Variants in CATIP observed in about 807,000 individuals in gnomAD.
CATIP encodes ciliogenesis-associated TTC17-interacting protein.
Under a neutral mutation model 42.5 loss-of-function variants are expected in CATIP, and 40 were observed. The observed-to-expected ratio is 0.94, with a 90% confidence interval of 0.73 to 1.22. The LOEUF (loss-of-function observed/expected upper bound fraction) is 1.22, where lower values mean the gene tolerates loss of function less well. Among genes scored for constraint, CATIP ranks in the 50% most tolerant of loss-of-function variants. The pLI is 0.00. For synonymous variants in CATIP, 222 were observed against 200.2 expected, an observed-to-expected ratio of 1.11 and a Z score of -0.92; for missense variants, 489 against 496.0, an observed-to-expected ratio of 0.99 and a Z score of 0.13.
intron 4 of CATIP, among the ~76,000 whole-genome samples, chr2:218,359,731 T>C (rs1695167535): frequency 2.0e-5 from 3 of 152,206 alleles, no homozygotes; most frequent in Admixed American, 2.0e-4. Context: ...TTGAACTTTA[T>C]ATTGCATCAT....
At chr2:218,357,021 G>A in intron 1 of CATIP, 74 bp from the exon 2 acceptor site, 2 of 1,567,888 alleles carry the variant, frequency 1.3e-6, no homozygotes, top group Non-Finnish European at 8.7e-7. Flanking sequence ...CAGGACTGAG[G>A]TACCCTGCCT....
chr2:218,367,644 T>C (rs1204734174), intron 9 of CATIP, 78 bp from the exon 10 acceptor site: 4 of 1,587,226 alleles, frequency 2.5e-6, no homozygotes, highest in Non-Finnish European at 3.4e-6. Context: ...CCCTTAGCTC[T>C]CCTTGGAGCG....
chr2:218,367,021 C>T lies in CATIP; in HGVS notation c.756-3C>T, dbSNP rs1164377328. On this transcript the variant is annotated splice_polypyrimidine_tract_variant and splice_region_variant and intron_variant, in intron 7 of 9. Transcript: ENST00000289388. Reference sequence around the variant, plus strand: ...CACTCTCACATGTTGTGTTGCACTCCAGGCACCTGGCCAAGAGAATACAGG... The same window carrying T: ...CACTCTCACATGTTGTGTTGCACTCTAGGCACCTGGCCAAGAGAATACAGG... 6.2e-7 allele frequency: 1 copy of T among 1,612,482 alleles called. No homozygotes were observed. The highest frequency in any genetic ancestry group is 8.5e-7 in the Non-Finnish European group (1 of 1,178,684).
In CATIP at chr2:218,363,296, T is replaced by C. The variant is rs572968183; in HGVS notation, c.630+394T>C. 3.9e-3 allele frequency among the ~76,000 whole-genome samples: 555 copies of C among 142,200 alleles called. 1 individual carries two copies. The highest frequency in any genetic ancestry group is 0.013 in the African/African-American group (502 of 37,966). The allele number at this position is 142,200 out of a possible 152,430, so 93.3% of individuals were successfully genotyped here. A position where few individuals can be genotyped will look rare whatever the true frequency, so the allele number is the denominator to read the frequency against. The stretch of plus-strand genomic sequence containing the variant: ...GAGATCTAGACCATCCTGGCTAACA[T>C]GGTGAAACCCCGCCTCTACTAAAAA... On this transcript the variant is annotated intron_variant, in intron 6 of 9. Transcript: ENST00000289388.
chr2:218,367,348 T>G, intron 8 of CATIP, 82 bp from the exon 9 acceptor site: 1 of 1,307,976 alleles, frequency 7.6e-7, no homozygotes, highest in Non-Finnish European at 1.1e-6. Flanking sequence ...GAGCCTTCTG[T>G]TTGGGTGTTC....
intron 4 of CATIP, among the ~76,000 whole-genome samples, chr2:218,358,367 C>T (rs938010814): frequency 4.6e-5 from 7 of 150,826 alleles, no homozygotes; most frequent in African/African-American, 1.5e-4. Flanking sequence ...GTCAGGAGTT[C>T]GAGACCAGCC....
chr2:218,363,928 G>C (rs78846874), intron 6 of CATIP, among the ~76,000 whole-genome samples: 15,208 of 152,024 alleles, frequency 0.1, 802 homozygotes, highest in Non-Finnish European at 0.11. Flanking sequence ...TTTTTGTTTT[G>C]TTTTTTGTTT....
intron 8 of CATIP, 118 bp from the exon 9 acceptor site, chr2:218,367,312 G>C: frequency 1.0e-6 from 1 of 996,778 alleles, no homozygotes; most frequent in Non-Finnish European, 1.6e-6. Context: ...CTCTGCCCAT[G>C]TGGGCAGAAT....
chr2:218,360,630 G>A lies in CATIP; in HGVS notation c.433G>A (p.Ala145Thr), dbSNP rs1338876102. 2 of 1,614,012 alleles carry A rather than the reference G, an allele frequency of 1.2e-6. No individual in the cohort carries two copies. Among genetic ancestry groups the A allele is most frequent in the South Asian group, 1.1e-5 (1 of 91,074 alleles). Reference protein sequence around the residue: ...MSLLKQDDQLAVTRSIKEGEE... With the variant: ...MSLLKQDDQLTVTRSIKEGEE... The stretch of plus-strand genomic sequence containing the variant: ...TTTGCTGAAGCAGGATGATCAGCTG[G>A]CTGTGACCAGAAGTATCAAGGAGGG... Residue 145 changes from alanine (A) to threonine (T), a missense_variant, in exon 5 of 10, where the codon GCT becomes ACT. Transcript: ENST00000289388.
Position 218,368,001 on chromosome 2 carries a change from G to A in CATIP, c.*37G>A, listed in dbSNP as rs748469593. On this transcript the variant is annotated 3_prime_UTR_variant, in exon 10 of 10. Transcript: ENST00000289388. ...GCCCGGACAGGGCAGGAAACCAGGG[G>A]TCGGGCTGGGACGCGGGCGGGACGC... The A allele has an allele frequency of 2.1e-5, 32 of 1,490,788 alleles. No homozygotes were observed. In the Admixed American group the frequency reaches 7.1e-4, roughly 33 times the overall value. 92.3% of individuals were successfully genotyped at this position (1,490,788 alleles called of 1,614,324 possible). A position where few individuals can be genotyped will look rare whatever the true frequency, so the allele number is the denominator to read the frequency against.
chr2:218,357,953 C>T, intron 3 of CATIP, 84 bp from the exon 4 acceptor site: 1 of 1,335,894 alleles, frequency 7.5e-7, no homozygotes, highest in Non-Finnish European at 1.1e-6. Flanking sequence ...ACACCTAGTC[C>T]TCCAGCTGCG....
At chr2:218,363,398 A>G (rs1180930206) in intron 6 of CATIP, among the ~76,000 whole-genome samples, 2 of 150,568 alleles carry the variant, frequency 1.3e-5, no homozygotes, top group African/African-American at 2.4e-5. Flanking sequence ...AGGCAGGAGA[A>G]TGGCGTGAAC....
chr2:218,364,344 A>C (rs9784018), intron 6 of CATIP, among the ~76,000 whole-genome samples: 4,285 of 147,976 alleles, frequency 0.029, 197 homozygotes, highest in African/African-American at 0.1. Context: ...AGCTCATCCT[A>C]CCTCTCCGCT....
At chr2:218,365,671 C>G (rs1162350938) in intron 7 of CATIP, 2 of 152,294 alleles carry the variant, frequency 1.3e-5, no homozygotes, top group African/African-American at 4.8e-5. Flanking sequence ...AGCAATCCAC[C>G]TGCTTCAGCC....
chr2:218,368,044 T>C lies in CATIP; in HGVS notation c.*80T>C. 7.0e-7 allele frequency: 1 copy of C among 1,424,442 alleles called. No homozygotes were observed. 88.2% of individuals were successfully genotyped at this position (1,424,442 alleles called of 1,614,324 possible). On this transcript the variant is annotated 3_prime_UTR_variant, in exon 10 of 10. Transcript: ENST00000289388. ...CGGGACGCGCCGGGGCGGGTGCGCT[T>C]TCCGGGCTGCGGTTTTGGGGGAATA...
intron 9 of CATIP, 44 bp from the exon 10 acceptor site, chr2:218,367,677 GC>G (rs1559107845): frequency 6.3e-7 from 1 of 1,575,988 alleles, no homozygotes; most frequent in Middle Eastern, 1.7e-4. Flanking sequence ...CTCCTGGGGC[GC>G]GGGGGTCCCG....
intron 4 of CATIP, among the ~76,000 whole-genome samples, chr2:218,359,167 C>A (rs573869360): frequency 6.6e-6 from 1 of 151,518 alleles, no homozygotes; most frequent in South Asian, 2.1e-4. Flanking sequence ...TGAAACCCTA[C>A]CTCTACTAAA....
At position 218,357,166 on chromosome 2, in the gene CATIP, A is replaced by G; in HGVS notation, c.97A>G (p.Ile33Val). Reference protein sequence around the residue: ...LPLPEANAEAIDFLSSLHKEE... With the variant: ...LPLPEANAEAVDFLSSLHKEE... ...ACTCCCAGAGGCCAATGCTGAAGCC[A>G]TCGACTTCCTCAGCTCCCTCCGTGA... Residue 33 changes from isoleucine (I) to valine (V), a missense_variant, in exon 2 of 10, where the codon ATC becomes GTC. By Grantham distance (29) the Ile-to-Val change is conservative. Coordinates refer to ENST00000289388, the MANE Select transcript of CATIP (RefSeq NM_198559.2). 1 of 1,613,668 alleles carries G rather than the reference A, an allele frequency of 6.2e-7. No individual in the cohort carries two copies. Among genetic ancestry groups the G allele is most frequent in the South Asian group, 1.1e-5 (1 of 91,056 alleles).
chr2:218,363,984 A>G (rs1033372872), intron 6 of CATIP, among the ~76,000 whole-genome samples: 1 of 152,136 alleles, frequency 6.6e-6, no homozygotes, highest in South Asian at 2.1e-4. Context: ...TCCTGCAATC[A>G]GTGATTTTAA....
Sources: gnomAD v4.1 joint callset for allele counts (sites outside exome capture counted in the v4.1 genomes callset) on GRCh38, gnomAD v4.1.1 for gene constraint, MANE v1.5 for transcripts, NCBI Gene and HGNC (gene_info 2026-07-23, HGNC 2026-07-21) for gene names.